Variants in CPB1 observed in about 807,000 individuals in gnomAD.
The protein encoded by CPB1 is carboxypeptidase B1.
In CPB1, 53 loss-of-function variants were observed where a neutral mutation model predicts 51.4. The observed-to-expected ratio is 1.03, with a 90% CI of 0.83 to 1.30. The LOEUF is 1.30. Among genes scored for constraint, CPB1 ranks in the 50% most tolerant of loss-of-function variants. CPB1 has a pLI of 0.00. For synonymous variants in CPB1, 189 were observed against 186.9 expected (o/e 1.01, Z -0.09); for missense variants, 494 against 516.2 (o/e 0.96, Z 0.42).
At position 148,834,543 on chromosome 3, in the gene CPB1, A is replaced by T; in HGVS notation, c.193A>T (p.Ser65Cys). Residue 65 changes from serine (S) to cysteine (C), a missense_variant, in exon 3 of 11, where the codon AGT (serine) becomes TGT (cysteine). By Grantham distance (112) the Ser-to-Cys change is moderately radical. Coordinates refer to ENST00000282957, the MANE Select transcript of CPB1 (RefSeq NM_001871.3). ...TTCTGTCACACAAATCAAACCTCACAGTACAGTTGACTTCCGTGTTAAAGC... is the reference window on the plus strand; with the variant it reads ...TTCTGTCACACAAATCAAACCTCACTGTACAGTTGACTTCCGTGTTAAAGC... ...PDSVTQIKPH[S>C]TVDFRVKAED... 6.2e-7 allele frequency: 1 copy of T among 1,613,710 alleles called. No homozygotes were observed. The highest frequency in any genetic ancestry group is 8.5e-7 in the Non-Finnish European group (1 of 1,179,580).
At chr3:148,856,536 C>T (rs571884488) in intron 9 of CPB1, 33 of 152,230 alleles carry the variant, frequency 2.2e-4, no homozygotes, top group African/African-American at 7.0e-4. Context: ...GAAATATAGC[C>T]GGTTTCATAA....
chr3:148,830,755 G>C (rs1712709624), intron 2 of CPB1, among the ~76,000 whole-genome samples: 1 of 152,066 alleles, frequency 6.6e-6, no homozygotes, highest in Non-Finnish European at 1.5e-5. Context: ...GAATAAACAA[G>C]GAATAGTGTA....
intron 8 of CPB1, among the ~76,000 whole-genome samples, chr3:148,845,135 CCTTA>C (rs1713195601): frequency 1.3e-5 from 2 of 151,806 alleles, no homozygotes; most frequent in African/African-American, 4.8e-5. Context: ...TTAGTTTGTC[CCTTA>C]CTTATTAATT....
intron 9 of CPB1, 23 bp downstream of exon 9, chr3:148,845,649 T>C (rs780284562): frequency 1.9e-6 from 3 of 1,566,856 alleles, no homozygotes; most frequent in East Asian, 2.2e-5. Flanking sequence ...GTAGTAGGTA[T>C]GACATTTTAC....
chr3:148,848,871 T>G (rs1197506353), intron 9 of CPB1, among the ~76,000 whole-genome samples: 2 of 152,192 alleles, frequency 1.3e-5, no homozygotes, highest in African/African-American at 4.8e-5. Context: ...GTAGATGGAA[T>G]AACAAGAATA....
At chr3:148,849,819 C>A (rs1260211360) in intron 9 of CPB1, among the ~76,000 whole-genome samples, 1 of 152,258 alleles carries the variant, frequency 6.6e-6, no homozygotes, top group East Asian at 1.9e-4. Context: ...GCATGGAATG[C>A]TTGGCGAAGC....
At chr3:148,841,019 A>C in intron 5 of CPB1, 44 bp downstream of exon 5, 1 of 1,461,574 alleles carries the variant, frequency 6.8e-7, no homozygotes, top group Non-Finnish European at 9.6e-7. Flanking sequence ...GAGGGCTTTA[A>C]ATCAATGAAT....
chr3:148,839,593 T>C (rs570391754), intron 3 of CPB1, among the ~76,000 whole-genome samples: 210 of 152,290 alleles, frequency 1.4e-3, no homozygotes, highest in African/African-American at 4.8e-3. Flanking sequence ...TTCCAGTTAG[T>C]ATTAATTTAT....
At chr3:148,846,797 G>GTGTGTATATATATATATATA (rs1364486523) in intron 9 of CPB1, among the ~76,000 whole-genome samples, 2 of 50,532 alleles carry the variant, frequency 4.0e-5, no homozygotes, top group African/African-American at 1.1e-4. Flanking sequence ...GTGTGCGTGT[G>GTGTGTATATATATATATATA]TATATATATA....
chr3:148,847,700 A>G (rs1348799463), intron 9 of CPB1, among the ~76,000 whole-genome samples: 3 of 152,186 alleles, frequency 2.0e-5, no homozygotes, highest in Non-Finnish European at 2.9e-5. Context: ...CTACCGAAGT[A>G]AAATGTTCAT....
intron 9 of CPB1, chr3:148,855,003 G>A (rs1022646583): frequency 6.6e-6 from 1 of 152,318 alleles, no homozygotes; most frequent in African/African-American, 2.4e-5. Flanking sequence ...TGGAGGTCAG[G>A]AGAAGCAGGA....
chr3:148,846,779 A>ATGTGTGTGTGTGTG (rs1326750214), intron 9 of CPB1, among the ~76,000 whole-genome samples: 1 of 62,204 alleles, frequency 1.6e-5, no homozygotes, highest in Non-Finnish European at 3.1e-5. Flanking sequence ...ATACACATAT[A>ATGTGTGTGTGTGTG]TATGTGTGTG....
chr3:148,827,885 A>C lies in CPB1; in HGVS notation c.62A>C (p.His21Pro). 1.2e-6 allele frequency: 2 copies of C among 1,614,166 alleles called. No homozygotes were observed. Among genetic ancestry groups the C allele is most frequent in the Non-Finnish European group, 1.7e-6 (2 of 1,180,010 alleles). The change falls in exon 1 of 11, where the codon CAC becomes CCC. Residue 21 changes from histidine (H) to proline (P), a missense_variant. Coordinates refer to ENST00000282957, the MANE Select transcript of CPB1 (RefSeq NM_001871.3). Reference protein sequence around the residue: ...ALASAHHGGEHFEGEKVFRVN... With the variant: ...ALASAHHGGEPFEGEKVFRVN... The stretch of plus-strand genomic sequence containing the variant: ...GCATCTGCTCATCATGGTGGTGAGC[A>C]CTTTGAAGGGTAAGTAAGCCATCTT...
chr3:148,855,081 A>T (rs958813686), intron 9 of CPB1: 4 of 152,188 alleles, frequency 2.6e-5, no homozygotes, highest in African/African-American at 9.7e-5. Context: ...ACAACAAATA[A>T]TGTAGCCTGA....
intron 4 of CPB1, 32 bp downstream of exon 4, chr3:148,840,817 A>G (rs746092735): frequency 6.2e-7 from 1 of 1,613,426 alleles, no homozygotes; most frequent in Admixed American, 1.7e-5. Context: ...GACAGATATT[A>G]CTTTGGGAAT....
chr3:148,831,323 G>GT (rs1388005557), intron 2 of CPB1, among the ~76,000 whole-genome samples: 1 of 152,108 alleles, frequency 6.6e-6, no homozygotes, highest in Non-Finnish European at 1.5e-5. Flanking sequence ...TACTGTACCA[G>GT]TAAGTTCCTC....
chr3:148,828,686 C>G (rs1034253597), intron 2 of CPB1, among the ~76,000 whole-genome samples: 1 of 152,194 alleles, frequency 6.6e-6, no homozygotes, highest in South Asian at 2.1e-4. Context: ...ACTGCGTATA[C>G]AATGTGGCAG....
At chr3:148,838,764 C>T (rs555886723) in intron 3 of CPB1, among the ~76,000 whole-genome samples, 2 of 152,304 alleles carry the variant, frequency 1.3e-5, no homozygotes, top group South Asian at 4.1e-4. Context: ...AAATGACCCC[C>T]TTCTAAAACT....
chr3:148,846,841 A>ATATATATT (rs1713266483), intron 9 of CPB1, among the ~76,000 whole-genome samples: 1 of 117,922 alleles, frequency 8.5e-6, no homozygotes. Context: ...ATATATATAT[A>ATATATATT]TGTTAGCACC....
Sources: gnomAD v4.1 joint callset for allele counts (sites outside exome capture counted in the v4.1 genomes callset) on GRCh38, gnomAD v4.1.1 for gene constraint, MANE v1.5 for transcripts, NCBI Gene and HGNC (gene_info 2026-07-23, HGNC 2026-07-21) for gene names.